FRRS1: variants seen among roughly 807,000 people sequenced by gnomAD.
FRRS1 encodes ferric reductase 1.
FRRS1 carries 51 observed loss-of-function variants against 70.7 expected under a neutral mutation model. The observed-to-expected ratio is 0.72, with a 90% CI of 0.58 to 0.91. The LOEUF (loss-of-function observed/expected upper bound fraction) is 0.91, where lower values mean the gene tolerates loss of function less well. Ranked by LOEUF, FRRS1 falls within the 40% of genes least tolerant of loss-of-function variation. The probability of loss-of-function intolerance (pLI) is 0.00; values close to 1 mark genes in which losing one functional copy is unlikely to be tolerated. For missense variants in FRRS1, 672 were observed against 726.0 expected, an observed-to-expected ratio of 0.93 and a Z score of 0.86; for synonymous variants, 225 against 238.7, an observed-to-expected ratio of 0.94 and a Z score of 0.53.
chr1:99,719,049 G>A (rs934182198), intron 10 of FRRS1, among the ~76,000 whole-genome samples: 2 of 141,572 alleles, frequency 1.4e-5, no homozygotes, highest in Non-Finnish European at 3.0e-5. Context: ...TAAGATAGAT[G>A]ATGCTTACCA....
At chr1:99,755,219 A>C (rs1427011988) in intron 1 of FRRS1, among the ~76,000 whole-genome samples, 1 of 151,934 alleles carries the variant, frequency 6.6e-6, no homozygotes, top group African/African-American at 2.4e-5. Flanking sequence ...CAGGAGTTCA[A>C]GACCAGCCTG....
intron 9 of FRRS1, among the ~76,000 whole-genome samples, chr1:99,723,921 G>T (rs1212114875): frequency 6.6e-6 from 1 of 152,074 alleles, no homozygotes; most frequent in African/African-American, 2.4e-5. Context: ...GTGTCAAGAA[G>T]AAAAAGACAG....
chr1:99,721,167 T>C (rs1173580461), intron 9 of FRRS1, among the ~76,000 whole-genome samples: 2 of 151,796 alleles, frequency 1.3e-5, no homozygotes, highest in Non-Finnish European at 2.9e-5. Flanking sequence ...GATCACGAGG[T>C]CAAGAGTTCG....
rs1163735214 is a variant in FRRS1, at chr1:99,707,531, CAAAT to C, written c.*1493_*1496del. ...AATTATTATAAATAATCACAGAAAACAAATAAACTGGAAAATAAACAGCGGTTAC... is the reference window on the plus strand; with the variant it reads ...AATTATTATAAATAATCACAGAAAACAAACTGGAAAATAAACAGCGGTTAC... On this transcript the variant is annotated 3_prime_UTR_variant, in exon 17 of 17. Coordinates refer to ENST00000646001, the MANE Select transcript of FRRS1 (RefSeq NM_001361041.2). 6.6e-6 allele frequency among the ~76,000 whole-genome samples: 1 copy of C among 151,930 alleles called. No individual in the cohort carries two copies. Among genetic ancestry groups the C allele is most frequent in the Non-Finnish European group, 1.5e-5 (1 of 67,958 alleles).
In FRRS1 at chr1:99,715,770, T is replaced by G. The variant is rs1654492449; in HGVS notation, c.1237-98A>C. On this transcript the variant is annotated intron_variant, in intron 11 of 16. Transcript: ENST00000646001. ...TGGGGAAAAGACTATGGGGTAAGAT[T>G]CACTGAAGGCATGCATTCAACTGAC... The G allele has an allele frequency of 9.3e-6, 7 of 754,614 alleles. 1 individual carries two copies. Among genetic ancestry groups the G allele is most frequent in the Non-Finnish European group, 1.6e-5 (7 of 425,738 alleles). The allele number at this position is 754,614 out of a possible 1,614,324, so 46.7% of individuals were successfully genotyped here.
rs1383481176 is a variant in FRRS1 at position 99,712,644 on chromosome 1, A to G, written c.1324-129T>C. On this transcript the variant is annotated intron_variant, in intron 12 of 16. Transcript: ENST00000646001. The stretch of plus-strand genomic sequence containing the variant: ...GCTTTAAAGATTCAATAATGATGAT[A>G]ATAATAATATGCAACATTCACTGAG... 22 of 550,738 alleles carry G rather than the reference A, an allele frequency of 4.0e-5. No homozygotes were observed. The South Asian group carries it at 5.7e-4, about 14-fold the overall frequency. The allele number at this position is 550,738 out of a possible 1,614,324, so 34.1% of individuals were successfully genotyped here. A position where few individuals can be genotyped will look rare whatever the true frequency, so the allele number is the denominator to read the frequency against.
At chr1:99,740,580 T>C (rs534427876) in intron 6 of FRRS1, among the ~76,000 whole-genome samples, 1 of 152,336 alleles carries the variant, frequency 6.6e-6, no homozygotes, top group Non-Finnish European at 1.5e-5. Context: ...TATTTTATAA[T>C]ATATGGACAT....
chr1:99,718,700 T>C (rs1654658081), intron 10 of FRRS1, among the ~76,000 whole-genome samples: 1 of 152,202 alleles, frequency 6.6e-6, no homozygotes, highest in Admixed American at 6.5e-5. Flanking sequence ...ATATGATGCC[T>C]AAGTACAGCA....
intron 1 of FRRS1, among the ~76,000 whole-genome samples, chr1:99,758,392 G>A (rs1291934282): frequency 2.0e-5 from 3 of 152,176 alleles, no homozygotes; most frequent in East Asian, 1.9e-4. Context: ...GGAAGTCAGG[G>A]ACACTGAATG....
intron 3 of FRRS1, chr1:99,747,640 A>C (rs935537714): frequency 1.4e-5 from 7 of 504,536 alleles, no homozygotes; most frequent in Non-Finnish European, 2.1e-5. Flanking sequence ...AGATATTAAT[A>C]GCCATTCCGC....
chr1:99,705,471 CT>C lies in FRRS1; in HGVS notation c.*3556del, dbSNP rs1204256761. On this transcript the variant is annotated 3_prime_UTR_variant, in exon 17 of 17. Coordinates refer to ENST00000646001, the MANE Select transcript of FRRS1 (RefSeq NM_001361041.2). Reference sequence around the variant, plus strand: ...ATTATCTTAAACAAGGACCTTTGTTCTTTTTTTCCCTGCCTCATGAGAATAT... The same window carrying C: ...ATTATCTTAAACAAGGACCTTTGTTCTTTTTTCCCTGCCTCATGAGAATAT... Among the ~76,000 whole-genome samples the C allele has an allele frequency of 6.6e-6, 1 of 152,162 alleles. No individual in the cohort carries two copies.
chr1:99,762,602 A>G (rs1401124209), intron 1 of FRRS1, among the ~76,000 whole-genome samples: 1 of 151,818 alleles, frequency 6.6e-6, no homozygotes, highest in East Asian at 1.9e-4. Context: ...ATGCTGTGAC[A>G]CAGATTTCCA....
chr1:99,706,705 C>A lies in FRRS1; in HGVS notation c.*2323G>T, dbSNP rs1654046385. On this transcript the variant is annotated 3_prime_UTR_variant, in exon 17 of 17. Coordinates refer to ENST00000646001, the MANE Select transcript of FRRS1 (RefSeq NM_001361041.2). ...GACCAGGAGTTTGGGACCAGCCTGG[C>A]CAAAATGTGAAACCCCCGTCTCTAC... is the stretch of plus-strand genomic sequence containing the variant. Among the ~76,000 whole-genome samples the A allele has an allele frequency of 1.3e-5, 2 of 151,926 alleles. No homozygotes were observed. The highest frequency in any genetic ancestry group is 2.4e-5 in the African/African-American group (1 of 41,348).
chr1:99,719,702 A>C, intron 9 of FRRS1, 55 bp from the exon 10 acceptor site: 3 of 985,864 alleles, frequency 3.0e-6, no homozygotes, highest in Non-Finnish European at 4.9e-6. Flanking sequence ...TCCTCAAATA[A>C]AAAAGGAATT....
At chr1:99,712,020 T>G (rs1256998477) in intron 14 of FRRS1, 85 bp downstream of exon 14, 2 of 866,996 alleles carry the variant, frequency 2.3e-6, no homozygotes, top group Non-Finnish European at 3.8e-6. Context: ...TACTAATGCA[T>G]CTAAAAATCA....
Position 99,764,480 on chromosome 1 carries a change from A to G in FRRS1, c.-106+2127T>C, listed in dbSNP as rs2101011821. Reference sequence around the variant, plus strand: ...CAGAAACTGATTTGAAGGTGGTTAGATATTTTCTTTTTTCTATTTTCAAAC... The same window carrying G: ...CAGAAACTGATTTGAAGGTGGTTAGGTATTTTCTTTTTTCTATTTTCAAAC... On this transcript the variant is annotated intron_variant, in intron 1 of 16. Transcript: ENST00000646001. Among the ~76,000 whole-genome samples the G allele has an allele frequency of 2.0e-5, 3 of 152,034 alleles. No individual in the cohort carries two copies. The East Asian group carries it at 5.8e-4, about 29-fold the overall frequency.
At chr1:99,745,181 A>G (rs1656190657) in intron 4 of FRRS1, among the ~76,000 whole-genome samples, 1 of 152,158 alleles carries the variant, frequency 6.6e-6, no homozygotes, top group African/African-American at 2.4e-5. Context: ...GTGCAAATGC[A>G]GTCAGTTTAT....
chr1:99,756,201 A>G (rs1488522374), intron 1 of FRRS1, among the ~76,000 whole-genome samples: 1 of 152,166 alleles, frequency 6.6e-6, no homozygotes, highest in Non-Finnish European at 1.5e-5. Context: ...TAATATTCCC[A>G]TTCTGTTGTC....
rs371894592 is a variant in FRRS1, at chr1:99,708,368, G to A, written c.*660C>T. On this transcript the variant is annotated 3_prime_UTR_variant, in exon 17 of 17. Coordinates refer to ENST00000646001, the MANE Select transcript of FRRS1 (RefSeq NM_001361041.2). ...TAATCCCAGCACTTTGGGAAGCTGA[G>A]GCAGGCAGATCACAAGGTCAGGAGA... 4.9e-4 allele frequency among the ~76,000 whole-genome samples: 75 copies of A among 151,896 alleles called. No individual in the cohort carries two copies. The South Asian group carries it at 0.016, about 32-fold the overall frequency.
Sources: allele counts gnomAD v4.1 joint callset (sites outside exome capture counted in the v4.1 genomes callset), GRCh38; gene constraint gnomAD v4.1.1; transcripts MANE v1.5; gene names NCBI Gene and HGNC (gene_info 2026-07-23, HGNC 2026-07-21).